KPNA5: variants seen among roughly 807,000 people sequenced by gnomAD.
KPNA5 encodes importin subunit alpha-6.
In KPNA5, 46 loss-of-function variants were observed where a neutral mutation model predicts 71.3. The ratio of observed to expected loss-of-function variants is 0.65; its 90% CI spans 0.51 to 0.83. The LOEUF is 0.83. Ranked by LOEUF, KPNA5 falls within the 40% of genes least tolerant of loss-of-function variation. The pLI is 0.00. For missense variants in KPNA5, 547 were observed against 628.3 expected (o/e 0.87, Z 1.38); for synonymous variants, 207 against 201.4 (o/e 1.03, Z -0.24).
rs1562458848 is a variant in KPNA5, at chr6:116,732,118, A to G, written c.1433-18A>G. On this transcript the variant is annotated intron_variant, in intron 13 of 13. Transcript: ENST00000368564. ...TATATATATATATATATATATATAT[A>G]TATACTTTGTATAACAGGTCTGGAT... 2.2e-6 allele frequency: 1 copy of G among 448,544 alleles called. No individual in the cohort carries two copies. Among genetic ancestry groups the G allele is most frequent in the Non-Finnish European group, 3.7e-6 (1 of 270,766 alleles). 27.8% of individuals were successfully genotyped at this position (448,544 alleles called of 1,614,324 possible). A position where few individuals can be genotyped will look rare whatever the true frequency, so the allele number is the denominator to read the frequency against.
At chr6:116,696,614 C>T in intron 4 of KPNA5, among the ~76,000 whole-genome samples, 1 of 152,090 alleles carries the variant, frequency 6.6e-6, no homozygotes, top group East Asian at 1.9e-4. Context: ...CACAAACCAT[C>T]CTTTTCTTCA....
chr6:116,690,642 C>CA (rs1283337605), intron 2 of KPNA5, among the ~76,000 whole-genome samples: 3,551 of 61,988 alleles, frequency 0.057, 138 homozygotes, highest in African/African-American at 0.15. Flanking sequence ...GACTCCATCT[C>CA]AAAAAAAAAA....
chr6:116,689,407 G>C lies in KPNA5; in HGVS notation c.92G>C (p.Arg31Thr). The change falls in exon 2 of 14, where the codon AGA (arginine) becomes ACA (threonine). Residue 31 changes from arginine to threonine, a missense_variant. Transcript: ENST00000368564. ...ALNPQEMRRR[R>T]EEEGIQLRKQ... ...AATCCTCAAGAGATGCGTAGACGAA[G>C]AGAAGAAGAAGGAATACAGCTTAGA... 5 of 1,608,994 alleles carry C rather than the reference G, an allele frequency of 3.1e-6. No homozygotes were observed. The highest frequency in any genetic ancestry group is 4.2e-6 in the Non-Finnish European group (5 of 1,178,022).
At chr6:116,696,497 C>T (rs1778034186) in intron 4 of KPNA5, among the ~76,000 whole-genome samples, 1 of 152,092 alleles carries the variant, frequency 6.6e-6, no homozygotes, top group South Asian at 2.1e-4. Flanking sequence ...TACTGCACAG[C>T]CTATCTTAGC....
At chr6:116,697,926 G>T (rs1778087533) in intron 4 of KPNA5, among the ~76,000 whole-genome samples, 1 of 152,002 alleles carries the variant, frequency 6.6e-6, no homozygotes, top group Admixed American at 6.6e-5. Context: ...ATTCGGTTAA[G>T]GTTGTAAGGT....
chr6:116,717,242 G>A (rs1372062648), intron 8 of KPNA5, among the ~76,000 whole-genome samples: 7 of 152,056 alleles, frequency 4.6e-5, no homozygotes, highest in Admixed American at 3.9e-4. Context: ...TGAGAAAGAC[G>A]AATGATGTCT....
In KPNA5 at chr6:116,741,385, G is replaced by C. The variant is rs1317362431; in HGVS notation, c.*9062G>C. On this transcript the variant is annotated 3_prime_UTR_variant, in exon 14 of 14. Coordinates refer to ENST00000368564, the MANE Select transcript of KPNA5 (RefSeq NM_001366306.2). ...TTTTTTAAGGTTCAGATGAGAATTT[G>C]TACATTTATGTGCTAAAAGTACAGA... is the stretch of plus-strand genomic sequence containing the variant. 3 of 151,902 alleles carry C rather than the reference G, an allele frequency of 2.0e-5. No homozygotes were observed. Among genetic ancestry groups the C allele is most frequent in the Non-Finnish European group, 4.4e-5 (3 of 67,990 alleles). 9.4% of individuals were successfully genotyped at this position (151,902 alleles called of 1,614,324 possible).
At chr6:116,701,900 T>C in intron 5 of KPNA5, 119 bp from the exon 6 acceptor site, 1 of 775,248 alleles carries the variant, frequency 1.3e-6, no homozygotes. Flanking sequence ...ACAATGAATC[T>C]TAATATAAGT....
chr6:116,701,090 T>C (rs1329547112), intron 5 of KPNA5, among the ~76,000 whole-genome samples: 1 of 152,202 alleles, frequency 6.6e-6, no homozygotes. Context: ...TATTTTTAAA[T>C]ATAAATTCCC....
intron 12 of KPNA5, among the ~76,000 whole-genome samples, chr6:116,729,316 T>C (rs748176520): frequency 6.6e-6 from 1 of 152,012 alleles, no homozygotes; most frequent in Non-Finnish European, 1.5e-5. Context: ...CTGTATTTTA[T>C]AGTCTTTGCA....
intron 10 of KPNA5, among the ~76,000 whole-genome samples, chr6:116,725,143 T>A (rs1395723701): frequency 6.6e-6 from 1 of 152,202 alleles, no homozygotes; most frequent in Non-Finnish European, 1.5e-5. Context: ...AGACATATAC[T>A]GTAATTTTCA....
intron 1 of KPNA5, among the ~76,000 whole-genome samples, chr6:116,682,683 C>T (rs1190244953): frequency 2.0e-5 from 3 of 152,052 alleles, no homozygotes; most frequent in African/African-American, 7.2e-5. Context: ...AGTTATTTGC[C>T]CAACTTAAAC....
chr6:116,694,308 A>G (rs907198830), intron 4 of KPNA5, among the ~76,000 whole-genome samples: 3 of 152,146 alleles, frequency 2.0e-5, no homozygotes, highest in Non-Finnish European at 2.9e-5. Flanking sequence ...ATGGCATTGA[A>G]TCTAAAAATT....
At chr6:116,695,042 C>G (rs1022203816) in intron 4 of KPNA5, among the ~76,000 whole-genome samples, 1 of 152,044 alleles carries the variant, frequency 6.6e-6, no homozygotes, top group Admixed American at 6.6e-5. Flanking sequence ...CCTCTGCTTT[C>G]CAGGCTCAGG....
intron 4 of KPNA5, among the ~76,000 whole-genome samples, chr6:116,697,967 TG>T (rs2114398684): frequency 6.6e-6 from 1 of 152,170 alleles, no homozygotes; most frequent in Admixed American, 6.5e-5. Context: ...TAATAATATC[TG>T]GTACTTGCAT....
At chr6:116,720,098 A>T (rs1779046554) in intron 8 of KPNA5, among the ~76,000 whole-genome samples, 1 of 152,206 alleles carries the variant, frequency 6.6e-6, no homozygotes, top group Non-Finnish European at 1.5e-5. Flanking sequence ...CTACCTTTGT[A>T]GTAGGGACCC....
At chr6:116,711,255 AT>A (rs56916606) in intron 7 of KPNA5, among the ~76,000 whole-genome samples, 18,592 of 133,866 alleles carry the variant, frequency 0.14, 1,738 homozygotes, top group African/African-American at 0.28. Context: ...GTTTTTGTTG[AT>A]TTTTTTTTTT....
chr6:116,722,735 T>C (rs186896240), intron 9 of KPNA5, among the ~76,000 whole-genome samples: 13 of 152,318 alleles, frequency 8.5e-5, no homozygotes, highest in African/African-American at 3.1e-4. Flanking sequence ...AGATAACATG[T>C]TTCTCTTTGC....
chr6:116,714,014 G>T (rs1438302990), intron 7 of KPNA5, among the ~76,000 whole-genome samples: 1 of 152,020 alleles, frequency 6.6e-6, no homozygotes, highest in Non-Finnish European at 1.5e-5. Context: ...TAAAATCTTT[G>T]CATAGTAAAT....
Sources: gnomAD v4.1 joint callset for allele counts (sites outside exome capture counted in the v4.1 genomes callset) on GRCh38, gnomAD v4.1.1 for gene constraint, MANE v1.5 for transcripts, NCBI Gene and HGNC (gene_info 2026-07-23, HGNC 2026-07-21) for gene names.